RRN3: variants seen among roughly 807,000 people sequenced by gnomAD.
RRN3 encodes the protein RNA polymerase I-specific transcription initiation factor RRN3.
RRN3 carries 38 observed loss-of-function variants against 82.3 expected under a neutral mutation model. The observed-to-expected ratio is 0.46, with a 90% CI of 0.36 to 0.61. The LOEUF is 0.61. Among genes scored for constraint, RRN3 ranks in the 20% least tolerant of loss-of-function variants. The pLI is 0.00. For missense variants in RRN3, 726 were observed against 793.1 expected (o/e 0.92, Z 1.02); for synonymous variants, 284 against 284.3 (o/e 1.00, Z 0.01).
intron 15 of RRN3, among the ~76,000 whole-genome samples, chr16:15,066,205 CA>C (rs1288184119): frequency 6.6e-6 from 1 of 152,190 alleles, no homozygotes; most frequent in African/African-American, 2.4e-5. Context: ...AGCAAAACCA[CA>C]CTGGAGGGTG....
chr16:15,078,865 G>T (rs551602022), intron 9 of RRN3, among the ~76,000 whole-genome samples: 1 of 149,922 alleles, frequency 6.7e-6, no homozygotes, highest in Non-Finnish European at 1.5e-5. Context: ...AGGCTGGAGC[G>T]GAGTGGCGCA....
At position 15,064,295 on chromosome 16, in the gene RRN3, C is replaced by A. The variant is rs563753281; in HGVS notation, c.1706+924G>T. Reference sequence around the variant, plus strand: ...GGTTCAAGAGATTCTCCTGCCTCAGCCTCCCGAGTAGCTGGAATTACAGGC... The same window carrying A: ...GGTTCAAGAGATTCTCCTGCCTCAGACTCCCGAGTAGCTGGAATTACAGGC... On this transcript the variant is annotated intron_variant, in intron 16 of 17. Coordinates refer to ENST00000198767, the MANE Select transcript of RRN3 (RefSeq NM_018427.5). Among the ~76,000 whole-genome samples the A allele has an allele frequency of 2.6e-5, 4 of 152,264 alleles. No individual in the cohort carries two copies. In the East Asian group the frequency reaches 7.7e-4, roughly 29 times the overall value.
intron 3 of RRN3, among the ~76,000 whole-genome samples, chr16:15,087,990 C>T (rs1190884048): frequency 9.2e-5 from 14 of 151,858 alleles, no homozygotes; most frequent in African/African-American, 1.7e-4. Flanking sequence ...GGTGCATGCC[C>T]GTAATCCCAG....
intron 8 of RRN3, among the ~76,000 whole-genome samples, chr16:15,083,042 A>G (rs2045769436): frequency 6.6e-6 from 1 of 152,232 alleles, no homozygotes; most frequent in South Asian, 2.1e-4. Flanking sequence ...CCGCTTTATA[A>G]GAAAGGAATC....
rs201298856 is a variant in RRN3, at chr16:15,091,339, G to C, written c.228C>G (p.Asn76Lys). ...CCTTTATGTCTGGATCTAACAGCTG[G>C]TTCTTCAACAACTCAAAGTCATTTG... ...GETNDFELLKNQLLDPDIKDD... is the reference protein window; with the variant it reads ...GETNDFELLKKQLLDPDIKDD... Residue 76 changes from asparagine (N) to lysine (K), a missense_variant, in exon 3 of 18, where the codon AAC (asparagine) becomes AAG (lysine). Physicochemically the swap from Asn to Lys is moderately conservative, Grantham distance 94 (BLOSUM62 0). Coordinates refer to ENST00000198767, the MANE Select transcript of RRN3 (RefSeq NM_018427.5). The C allele has an allele frequency of 7.7e-5, 122 of 1,590,232 alleles. No homozygotes were observed. The highest frequency in any genetic ancestry group is 1.0e-4 in the Non-Finnish European group (117 of 1,164,596).
chr16:15,080,175 A>G (rs2045639840), intron 8 of RRN3, 79 bp from the exon 9 acceptor site: 11 of 1,484,092 alleles, frequency 7.4e-6, no homozygotes, highest in Non-Finnish European at 8.9e-6. Context: ...CATCAATTAC[A>G]TGACCTTTAG....
chr16:15,093,583 T>C (rs1023051032), intron 1 of RRN3, among the ~76,000 whole-genome samples: 14 of 152,310 alleles, frequency 9.2e-5, no homozygotes, highest in African/African-American at 3.1e-4. Context: ...ATTACGCTAA[T>C]TGTTTTACAA....
chr16:15,065,740 A>G (rs2044942556), intron 15 of RRN3, among the ~76,000 whole-genome samples: 1 of 152,272 alleles, frequency 6.6e-6, no homozygotes, highest in Admixed American at 6.5e-5. Flanking sequence ...CTTTATTTTT[A>G]CTGTTTGCAA....
Position 15,063,704 on chromosome 16 carries a change from C to CAAA in RRN3, c.1707-424_1707-422dup, listed in dbSNP as rs10664930. On this transcript the variant is annotated intron_variant, in intron 16 of 17. Coordinates refer to ENST00000198767, the MANE Select transcript of RRN3 (RefSeq NM_018427.5). ...TGGGAGACAGAGCAAGACTCTGTCT[C>CAAA]AAAAAAAAAAAAAAAAAAGAAAAAA... is the stretch of plus-strand genomic sequence containing the variant. 1.7e-3 allele frequency among the ~76,000 whole-genome samples: 153 copies of CAAA among 88,922 alleles called. 1 individual carries two copies. Among genetic ancestry groups the CAAA allele is most frequent in the Non-Finnish European group, 1.2e-3 (58 of 49,006 alleles). The allele number at this position is 88,922 out of a possible 152,430, so 58.3% of individuals were successfully genotyped here.
chr16:15,088,363 A>G (rs1368352491), intron 3 of RRN3, among the ~76,000 whole-genome samples: 1 of 151,698 alleles, frequency 6.6e-6, no homozygotes, highest in Non-Finnish European at 1.5e-5. Flanking sequence ...GATGCTCGGG[A>G]GCCTGAGGTG....
Position 15,076,595 on chromosome 16 carries a change from C to A in RRN3, c.821G>T (p.Cys274Phe), listed in dbSNP as rs2966183. 157,168 of 1,611,790 alleles carry A rather than the reference C, an allele frequency of 0.098. 8,708 individuals are homozygous for A. The highest frequency in any genetic ancestry group is 0.11 in the Non-Finnish European group (129,278 of 1,177,878). ...EDAEETATQT[C>F]GGTDSTEGLF... ...TCCTTCCGTGGAATCTGTCCCACCA[C>A]AAGTTTGAGTTGCTGTTTCTTCAGC... Residue 274 changes from cysteine (C) to phenylalanine (F), a missense_variant, in exon 10 of 18, where the codon TGT (cysteine) becomes TTT (phenylalanine). Physicochemically the swap from Cys to Phe is radical, Grantham distance 205 (BLOSUM62 -2). Transcript: ENST00000198767.
chr16:15,061,901 A>G lies in RRN3; in HGVS notation c.1799T>C (p.Ile600Thr), dbSNP rs972343664. 5.6e-6 allele frequency: 9 copies of G among 1,610,820 alleles called. No homozygotes were observed. The highest frequency in any genetic ancestry group is 2.7e-5 in the African/African-American group (2 of 74,902). ...AAAGTCATCATCTTCATCTTCCACT[A>G]TGTCCTGCAGAAACATCAGAAATCA... ...QEFKKPMKKD[I>T]VEDEDDDFLK... Residue 600 changes from isoleucine to threonine, a missense_variant, in exon 18 of 18, where the codon ATA (isoleucine) becomes ACA (threonine). Coordinates refer to ENST00000198767, the MANE Select transcript of RRN3 (RefSeq NM_018427.5).
rs865829206 is a variant in RRN3 at position 15,061,686 on chromosome 16, G to A, written c.*58C>T. 20 of 1,536,294 alleles carry A rather than the reference G, an allele frequency of 1.3e-5. 1 individual carries two copies. In the African/African-American group the frequency reaches 1.8e-4, roughly 14 times the overall value. On this transcript the variant is annotated 3_prime_UTR_variant, in exon 18 of 18. Coordinates refer to ENST00000198767, the MANE Select transcript of RRN3 (RefSeq NM_018427.5). ...CCCAATGGCACAAGCTGGGTGCTGA[G>A]GGCATGACAAGTGATGGGGAATCCC...
At chr16:15,087,903 T>C (rs559251023) in intron 3 of RRN3, among the ~76,000 whole-genome samples, 5 of 151,722 alleles carry the variant, frequency 3.3e-5, no homozygotes, top group African/African-American at 1.2e-4. Context: ...TCACCTGAGG[T>C]TGGGAGTTCG....
intron 3 of RRN3, among the ~76,000 whole-genome samples, chr16:15,090,630 T>C (rs1020934453): frequency 2.1e-4 from 32 of 152,214 alleles, no homozygotes; most frequent in Admixed American, 1.6e-3. Context: ...TTTAAATCTC[T>C]ATTGTTTTCT....
chr16:15,083,936 G>T (rs996595630), intron 7 of RRN3, among the ~76,000 whole-genome samples: 1 of 152,128 alleles, frequency 6.6e-6, no homozygotes, highest in Non-Finnish European at 1.5e-5. Context: ...GGCTGGTCTC[G>T]AACTCCCGAC....
At chr16:15,078,794 T>C (rs561843302) in intron 9 of RRN3, among the ~76,000 whole-genome samples, 2 of 147,990 alleles carry the variant, frequency 1.4e-5, no homozygotes, top group East Asian at 2.0e-4. Flanking sequence ...TCCAACTGCC[T>C]CCTCTTCGTA....
chr16:15,065,027 G>A (rs1165778514), intron 16 of RRN3, among the ~76,000 whole-genome samples, 192 bp downstream of exon 16: 3 of 152,082 alleles, frequency 2.0e-5, no homozygotes, highest in Non-Finnish European at 4.4e-5. Flanking sequence ...TTAGCCAGGC[G>A]TGGCAGTGGG....
chr16:15,088,433 A>G (rs1450599141), intron 3 of RRN3, among the ~76,000 whole-genome samples: 1 of 151,894 alleles, frequency 6.6e-6, no homozygotes, highest in East Asian at 1.9e-4. Context: ...GGCCCATTAC[A>G]CTCCAGCCCG....
Sources: gnomAD v4.1 joint callset for allele counts (sites outside exome capture counted in the v4.1 genomes callset) on GRCh38, gnomAD v4.1.1 for gene constraint, MANE v1.5 for transcripts, NCBI Gene and HGNC (gene_info 2026-07-23, HGNC 2026-07-21) for gene names.